Variants in MEI4 observed in about 807,000 individuals in gnomAD.
MEI4 encodes meiotic double-stranded break formation protein 4, also known as meiosis-specific protein MEI4.
Under a neutral mutation model 31.4 loss-of-function variants are expected in MEI4, and 27 were observed. The ratio of observed to expected loss-of-function variants is 0.86; its 90% CI spans 0.63 to 1.19. The LOEUF (loss-of-function observed/expected upper bound fraction) is 1.19, where lower values mean the gene tolerates loss of function less well. Ranked by LOEUF, MEI4 falls within the 50% of genes most tolerant of loss-of-function variation. The probability of loss-of-function intolerance (pLI) is 0.00; values close to 1 mark genes in which losing one functional copy is unlikely to be tolerated. For synonymous variants in MEI4, 122 were observed against 145.4 expected, an observed-to-expected ratio of 0.84 and a Z score of 1.16; for missense variants, 329 against 398.9, an observed-to-expected ratio of 0.82 and a Z score of 1.49.
chr6:77,790,332 A>T (rs1023494068), intron 3 of MEI4, among the ~76,000 whole-genome samples: 2 of 151,984 alleles, frequency 1.3e-5, no homozygotes, highest in East Asian at 3.9e-4. Context: ...CAGCACACCA[A>T]CATGGCACAT....
chr6:77,776,487 G>C (rs921844371), intron 3 of MEI4, among the ~76,000 whole-genome samples: 1 of 152,044 alleles, frequency 6.6e-6, no homozygotes, highest in South Asian at 2.1e-4. Flanking sequence ...CTTCCTTCAG[G>C]CTTCTGGGAA....
intron 3 of MEI4, among the ~76,000 whole-genome samples, chr6:77,827,400 T>C (rs1320594964): frequency 6.8e-6 from 1 of 146,488 alleles, no homozygotes; most frequent in Admixed American, 6.8e-5. Flanking sequence ...CCTACATAAT[T>C]AGGTAACTCT....
At chr6:77,918,723 A>G (rs948704569) in intron 4 of MEI4, among the ~76,000 whole-genome samples, 5 of 151,768 alleles carry the variant, frequency 3.3e-5, no homozygotes, top group African/African-American at 1.2e-4. Context: ...AACAGGGACA[A>G]TTTGACTTCC....
chr6:77,736,520 C>T (rs1269934534), intron 2 of MEI4, among the ~76,000 whole-genome samples: 1 of 152,048 alleles, frequency 6.6e-6, no homozygotes, highest in Non-Finnish European at 1.5e-5. Flanking sequence ...ACACACTGAC[C>T]TGCGCCCACT....
chr6:77,756,958 G>A (rs1767933452), intron 2 of MEI4, among the ~76,000 whole-genome samples: 1 of 152,134 alleles, frequency 6.6e-6, no homozygotes, highest in Admixed American at 6.5e-5. Flanking sequence ...TAAACAAGTG[G>A]ATAACATTTA....
intron 3 of MEI4, among the ~76,000 whole-genome samples, chr6:77,800,255 C>A (rs1194725113): frequency 2.0e-5 from 3 of 152,002 alleles, no homozygotes; most frequent in Non-Finnish European, 4.4e-5. Context: ...CTCTTTGAAG[C>A]AATTGTGAAT....
chr6:77,718,481 G>T (rs1284329588), intron 2 of MEI4, among the ~76,000 whole-genome samples: 2 of 148,708 alleles, frequency 1.3e-5, no homozygotes, highest in African/African-American at 5.0e-5. Context: ...CTGAACAGAA[G>T]AGTGCAATGC....
intron 2 of MEI4, among the ~76,000 whole-genome samples, chr6:77,714,194 C>A (rs959282514): frequency 6.6e-6 from 1 of 151,422 alleles, no homozygotes; most frequent in Admixed American, 6.6e-5. Flanking sequence ...GTCTGTACAA[C>A]ACACTCCATG....
chr6:77,791,452 A>G (rs1431655731), intron 3 of MEI4, among the ~76,000 whole-genome samples: 1 of 146,652 alleles, frequency 6.8e-6, no homozygotes, highest in Non-Finnish European at 1.5e-5. Flanking sequence ...AACACTGCAT[A>G]TTCTCACTCA....
chr6:77,906,543 G>T (rs1766300817), intron 4 of MEI4, among the ~76,000 whole-genome samples: 2 of 152,192 alleles, frequency 1.3e-5, no homozygotes, highest in Non-Finnish European at 2.9e-5. Flanking sequence ...ATCACTACTA[G>T]GGTCCTTTCA....
chr6:77,870,988 A>G (rs1771176815), intron 4 of MEI4, among the ~76,000 whole-genome samples: 1 of 152,190 alleles, frequency 6.6e-6, no homozygotes, highest in Non-Finnish European at 1.5e-5. Flanking sequence ...TTATATGTAA[A>G]GAAGACTTTT....
intron 2 of MEI4, among the ~76,000 whole-genome samples, chr6:77,729,671 C>G (rs965202036): frequency 4.1e-4 from 62 of 152,224 alleles, no homozygotes; most frequent in African/African-American, 1.4e-3. Flanking sequence ...CCTTTTTATT[C>G]AGCATTTATA....
In MEI4 at chr6:77,924,283, AG is replaced by A. The variant is rs1766791305; in HGVS notation, c.*938del. 1 of 151,922 alleles carries A rather than the reference AG, an allele frequency of 6.6e-6. No individual in the cohort carries two copies. The highest frequency in any genetic ancestry group is 2.1e-4 in the South Asian group (1 of 4,832). The allele number at this position is 151,922 out of a possible 1,614,324, so 9.4% of individuals were successfully genotyped here. ...TGTGATGGTGTTTCATAAGTTAATT[AG>A]CATTCCTAAATGTCGTTGGCATTAA... On this transcript the variant is annotated 3_prime_UTR_variant, in exon 5 of 5. Transcript: ENST00000684080.
chr6:77,740,237 G>T (rs951765326), intron 2 of MEI4, among the ~76,000 whole-genome samples: 8 of 152,168 alleles, frequency 5.3e-5, no homozygotes, highest in African/African-American at 1.9e-4. Flanking sequence ...ATCGATTTTA[G>T]AGTATGTGCC....
chr6:77,780,734 T>C (rs1768573465), intron 3 of MEI4, among the ~76,000 whole-genome samples: 1 of 152,184 alleles, frequency 6.6e-6, no homozygotes, highest in African/African-American at 2.4e-5. Context: ...TAACATATTA[T>C]AGTCCAATTG....
rs546389345 is a variant in MEI4 at position 77,669,010 on chromosome 6, C to A, written c.-15+15918C>A. Among the ~76,000 whole-genome samples the A allele has an allele frequency of 6.6e-5, 10 of 152,258 alleles. No individual in the cohort carries two copies. In the East Asian group the frequency reaches 1.2e-3, roughly 18 times the overall value. ...GAATTAATCTAAAATTGTGAACTCA[C>A]TTTCCATCATCTAGAAGCATCTCCA... On this transcript the variant is annotated intron_variant, in intron 1 of 4. Coordinates refer to ENST00000684080, the MANE Select transcript of MEI4 (RefSeq NM_001322247.2).
intron 2 of MEI4, among the ~76,000 whole-genome samples, chr6:77,737,941 G>T (rs10498915): frequency 0.28 from 42,709 of 152,132 alleles, 6,778 homozygotes; most frequent in South Asian, 0.39. Flanking sequence ...AAGTCATATT[G>T]AGATAGTAGC....
At chr6:77,914,472 T>G (rs1562036917) in intron 4 of MEI4, among the ~76,000 whole-genome samples, 1 of 152,100 alleles carries the variant, frequency 6.6e-6, no homozygotes, top group Non-Finnish European at 1.5e-5. Context: ...ATACTAATTT[T>G]TTTTTAGATT....
intron 3 of MEI4, among the ~76,000 whole-genome samples, chr6:77,792,488 T>A (rs1768963803): frequency 6.6e-6 from 1 of 152,166 alleles, no homozygotes; most frequent in Admixed American, 6.5e-5. Flanking sequence ...GTCTTTTTGA[T>A]GGTAATCATT....
Sources: gnomAD v4.1 joint callset for allele counts (sites outside exome capture counted in the v4.1 genomes callset) on GRCh38, gnomAD v4.1.1 for gene constraint, MANE v1.5 for transcripts, NCBI Gene and HGNC (gene_info 2026-07-23, HGNC 2026-07-21) for gene names.